Variants in EMP2 observed in about 807,000 individuals in gnomAD.
The protein encoded by EMP2 is epithelial membrane protein 2.
In EMP2, 19 loss-of-function variants were observed where a neutral mutation model predicts 13.7. The ratio of observed to expected loss-of-function variants is 1.38; its 90% CI spans 0.97 to 2.03. EMP2 has a LOEUF of 2.03. Ranked by LOEUF, EMP2 falls within the 30% of genes most tolerant of loss-of-function variation. The pLI is 0.00. For missense variants in EMP2, 253 were observed against 220.7 expected (o/e 1.15, Z -0.93); for synonymous variants, 97 against 84.7 (o/e 1.15, Z -0.80).
At chr16:10,562,908 A>C (rs1259273571) in intron 1 of EMP2, among the ~76,000 whole-genome samples, 1 of 152,182 alleles carries the variant, frequency 6.6e-6, no homozygotes, top group African/African-American at 2.4e-5. Flanking sequence ...GGCTGCTGTC[A>C]TCCAAGGAGC....
At chr16:10,545,027 G>T (rs1439951527) in intron 2 of EMP2, 5 of 152,190 alleles carry the variant, frequency 3.3e-5, no homozygotes, top group Non-Finnish European at 7.3e-5. Context: ...CTACTTTCCA[G>T]TTGCCAAGCA....
chr16:10,554,349 T>C (rs2050811586), intron 1 of EMP2, among the ~76,000 whole-genome samples: 1 of 152,182 alleles, frequency 6.6e-6, no homozygotes. Flanking sequence ...GGATCAACTC[T>C]TAAGCATTTA....
rs1017774146 is a variant in EMP2, at chr16:10,532,368, A to G, written c.*537T>C. 1 of 152,710 alleles carries G rather than the reference A, an allele frequency of 6.5e-6. No homozygotes were observed. Among genetic ancestry groups the G allele is most frequent in the East Asian group, 1.9e-4 (1 of 5,210 alleles). 9.5% of individuals were successfully genotyped at this position (152,710 alleles called of 1,614,324 possible). On this transcript the variant is annotated 3_prime_UTR_variant, in exon 5 of 5. Transcript: ENST00000359543. ...GATGGCTGGGCTCTGGTTTGGATAC[A>G]GACAGAATGCCAGGGACTACACCTG...
At chr16:10,553,362 A>C (rs1186873597) in intron 1 of EMP2, among the ~76,000 whole-genome samples, 1 of 152,124 alleles carries the variant, frequency 6.6e-6, no homozygotes, top group East Asian at 1.9e-4. Context: ...TACCAGAGTA[A>C]CACTCTCTGC....
At chr16:10,574,880 G>A (rs1296589934) in intron 1 of EMP2, among the ~76,000 whole-genome samples, 1 of 152,048 alleles carries the variant, frequency 6.6e-6, no homozygotes, top group Non-Finnish European at 1.5e-5. Context: ...TTTAAGAGAT[G>A]GGTTTCACTC....
chr16:10,580,205 C>A lies in EMP2; in HGVS notation c.-61+344G>T, dbSNP rs1251290936. On this transcript the variant is annotated intron_variant, in intron 1 of 4. Transcript: ENST00000359543. The surrounding 1 kb of genome is among the most constrained non-coding windows in gnomAD (Gnocchi z 4.3). ...GGGGACGCTGCCCGGGAATCCCTCA[C>A]GCGACCTGGGGATCTCCCTGGACTC... Among the ~76,000 whole-genome samples the A allele has an allele frequency of 6.6e-6, 1 of 152,184 alleles. No individual in the cohort carries two copies. Among genetic ancestry groups the A allele is most frequent in the African/African-American group, 2.4e-5 (1 of 41,454 alleles).
intron 1 of EMP2, among the ~76,000 whole-genome samples, chr16:10,573,449 G>A (rs1033558970): frequency 6.6e-6 from 1 of 152,160 alleles, no homozygotes; most frequent in African/African-American, 2.4e-5. Flanking sequence ...ATGTGGACTG[G>A]ATGACACCTG....
Position 10,529,542 on chromosome 16 carries a change from GC to G in EMP2, c.*3362del, listed in dbSNP as rs2050580917. 1 of 152,172 alleles carries G rather than the reference GC, an allele frequency of 6.6e-6. No individual in the cohort carries two copies. 9.4% of individuals were successfully genotyped at this position (152,172 alleles called of 1,614,324 possible). Reference sequence around the variant, plus strand: ...CGCATTCAACACAGATACTCATGTAGCCCCGACGTTTCTTGTGAAGGGAATT... The same window carrying G: ...CGCATTCAACACAGATACTCATGTAGCCCGACGTTTCTTGTGAAGGGAATT... On this transcript the variant is annotated 3_prime_UTR_variant, in exon 5 of 5. Coordinates refer to ENST00000359543, the MANE Select transcript of EMP2 (RefSeq NM_001424.6).
intron 1 of EMP2, among the ~76,000 whole-genome samples, chr16:10,575,167 C>T (rs2050974051): frequency 6.8e-6 from 1 of 148,110 alleles, no homozygotes; most frequent in African/African-American, 2.5e-5. Context: ...CTTAAGGAAA[C>T]CTTTGCACAC....
chr16:10,555,328 C>A (rs983029851), intron 1 of EMP2, among the ~76,000 whole-genome samples: 39 of 152,260 alleles, frequency 2.6e-4, no homozygotes, highest in African/African-American at 7.0e-4. Flanking sequence ...TCTTCAATTT[C>A]TTTAGGGGCC....
intron 1 of EMP2, among the ~76,000 whole-genome samples, chr16:10,570,458 C>T (rs560860233): frequency 6.6e-6 from 1 of 152,238 alleles, no homozygotes; most frequent in African/African-American, 2.4e-5. Context: ...AATGCAGTGG[C>T]GTGATCTCAA....
At chr16:10,551,261 CT>C (rs1168610289) in intron 1 of EMP2, among the ~76,000 whole-genome samples, 1 of 152,054 alleles carries the variant, frequency 6.6e-6, no homozygotes, top group Non-Finnish European at 1.5e-5. Context: ...CCTTTTGTGT[CT>C]GTCTTCTTTC....
At chr16:10,550,204 C>A (rs974254800) in intron 1 of EMP2, among the ~76,000 whole-genome samples, 1 of 152,046 alleles carries the variant, frequency 6.6e-6, no homozygotes, top group Non-Finnish European at 1.5e-5. Flanking sequence ...TCTTACATAA[C>A]CACACTATGA....
chr16:10,579,005 C>G (rs1471978192), intron 1 of EMP2, among the ~76,000 whole-genome samples: 3 of 152,214 alleles, frequency 2.0e-5, no homozygotes, highest in Non-Finnish European at 4.4e-5. Context: ...GGTTCAAGGT[C>G]TAGTTCTTTG....
Position 10,528,814 on chromosome 16 carries a change from C to G in EMP2, c.*4091G>C, listed in dbSNP as rs1436545726. ...GCGAGTTTAGTAACATCCCGCGAGGCAGATTTTAAACTACGATACAGTTTC... is the reference window on the plus strand; with the variant it reads ...GCGAGTTTAGTAACATCCCGCGAGGGAGATTTTAAACTACGATACAGTTTC... On this transcript the variant is annotated 3_prime_UTR_variant, in exon 5 of 5. Transcript: ENST00000359543. 4 of 152,188 alleles carry G rather than the reference C, an allele frequency of 2.6e-5. No individual in the cohort carries two copies. The highest frequency in any genetic ancestry group is 2.6e-4 in the Admixed American group (4 of 15,264). The allele number at this position is 152,188 out of a possible 1,614,324, so 9.4% of individuals were successfully genotyped here.
intron 1 of EMP2, among the ~76,000 whole-genome samples, chr16:10,551,791 T>G (rs1402993123): frequency 6.6e-6 from 1 of 152,114 alleles, no homozygotes; most frequent in African/African-American, 2.4e-5. Flanking sequence ...GCACAAACCC[T>G]CCACCTTTTC....
chr16:10,568,879 C>T (rs72781760), intron 1 of EMP2, among the ~76,000 whole-genome samples: 16,052 of 150,380 alleles, frequency 0.11, 1,152 homozygotes, highest in East Asian at 0.34. Context: ...CTCTGCCTCC[C>T]GGGTTCAAGC....
At chr16:10,578,241 G>C (rs1048255487) in intron 1 of EMP2, 1 of 152,288 alleles carries the variant, frequency 6.6e-6, no homozygotes, top group East Asian at 1.9e-4. Flanking sequence ...AAAATGGGCT[G>C]GTTGATCCTC....
At chr16:10,533,345 C>T (rs1169380790) in intron 4 of EMP2, among the ~76,000 whole-genome samples, 3 of 152,126 alleles carry the variant, frequency 2.0e-5, no homozygotes, top group Non-Finnish European at 2.9e-5. Context: ...GCCTTAAGCT[C>T]TTATTATTAA....
Sources: gnomAD v4.1 joint callset for allele counts (sites outside exome capture counted in the v4.1 genomes callset) on GRCh38, gnomAD v4.1.1 for gene constraint, Gnocchi (gnomAD v3.1) non-coding constraint, MANE v1.5 for transcripts, NCBI Gene and HGNC (gene_info 2026-07-23, HGNC 2026-07-21) for gene names.